HPS1: variants seen among roughly 807,000 people sequenced by gnomAD.
The protein encoded by HPS1 is HPS1 biogenesis of lysosomal organelles complex 3 subunit 1.
Under a neutral mutation model 90.6 loss-of-function variants are expected in HPS1, and 59 were observed. That is an observed-to-expected ratio of 0.65 (90% CI 0.53 to 0.81). The LOEUF (loss-of-function observed/expected upper bound fraction) is 0.81, where lower values mean the gene tolerates loss of function less well. Ranked by LOEUF, HPS1 falls within the 30% of genes least tolerant of loss-of-function variation. The probability of loss-of-function intolerance (pLI) is 0.00; values close to 1 mark genes in which losing one functional copy is unlikely to be tolerated. For synonymous variants in HPS1, 388 were observed against 384.4 expected (o/e 1.01, Z -0.11); for missense variants, 849 against 896.7 (o/e 0.95, Z 0.68).
Position 98,434,077 on chromosome 10 carries a change from T to A in HPS1, c.413A>T (p.Asp138Val). The A allele has an allele frequency of 6.5e-7, 1 of 1,550,184 alleles. No homozygotes were observed. Among genetic ancestry groups the A allele is most frequent in the Non-Finnish European group, 8.7e-7 (1 of 1,147,090 alleles). The change falls in exon 6 of 20, where the codon GAC (aspartate) becomes GTC (valine). Residue 138 changes from aspartate to valine, a missense_variant. Physicochemically the swap from Asp to Val is radical, Grantham distance 152. Transcript: ENST00000361490. The stretch of plus-strand genomic sequence containing the variant: ...CCACAGCTGGACACGCTGCGCCAGG[T>A]CTGGGGGCCGCAGCCTGGGGGCAGA... ...HLIRKELRPP[D>V]LAQRVQLWEH...
At position 98,418,217 on chromosome 10, in the gene HPS1, T is replaced by C. The variant is rs1340968104; in HGVS notation, c.1898A>G (p.Asp633Gly). The C allele has an allele frequency of 6.2e-7, 1 of 1,610,734 alleles. No individual in the cohort carries two copies. Among genetic ancestry groups the C allele is most frequent in the Admixed American group, 1.7e-5 (1 of 59,740 alleles). Residue 633 changes from aspartate (D) to glycine (G), a missense_variant, in exon 19 of 20, where the codon GAC becomes GGC. By Grantham distance (94) the Asp-to-Gly change is moderately conservative. Transcript: ENST00000361490. ...CAGCATGCCGATAGGCACTGAGTCG[T>C]CGGAGAGGACGGGCACCTCGATCAT... ...LQMIEVPVLS[D>G]DSVPIGMLGG...
chr10:98,422,378 G>C lies in HPS1; in HGVS notation c.1734C>G (p.Val578=), dbSNP rs2136122731. ...GGGTCCAAATGGTTACCTTAGTTTT[G>C]ACAAAGGCAGCCAGCGGCCCCTTGC... The part of the protein sequence containing the change: ...ELGKGPLAAF[V]KTKVWSLIQL... Residue 578 remains valine, a synonymous_variant, in exon 17 of 20, where the codon GTC becomes GTG. Coordinates refer to ENST00000361490, the MANE Select transcript of HPS1 (RefSeq NM_000195.5). 3 of 1,446,692 alleles carry C rather than the reference G, an allele frequency of 2.1e-6. No individual in the cohort carries two copies. The highest frequency in any genetic ancestry group is 1.1e-5 in the South Asian group (1 of 88,390). 89.6% of individuals were successfully genotyped at this position (1,446,692 alleles called of 1,614,324 possible). A position where few individuals can be genotyped will look rare whatever the true frequency, so the allele number is the denominator to read the frequency against.
intron 3 of HPS1, among the ~76,000 whole-genome samples, chr10:98,442,155 G>A (rs1938549156): frequency 6.6e-6 from 1 of 152,182 alleles, no homozygotes; most frequent in African/African-American, 2.4e-5. Flanking sequence ...AGGAATGAAC[G>A]ATTGATACAT....
Position 98,435,351 on chromosome 10 carries a change from G to A in HPS1, c.319C>T (p.Arg107Trp), listed in dbSNP as rs1217977527. The change falls in exon 5 of 20, where the codon CGG becomes TGG. Residue 107 changes from arginine (R) to tryptophan (W), a missense_variant. Coordinates refer to ENST00000361490, the MANE Select transcript of HPS1 (RefSeq NM_000195.5). The surrounding 1 kb of genome is among the most constrained non-coding windows in gnomAD (Gnocchi z 4.3). Reference sequence around the variant, plus strand: ...AGGTACTTGAGCACATACAGCTTCCGCCGCAGGTCCCCCTCGCTCTCGGTG... The same window carrying A: ...AGGTACTTGAGCACATACAGCTTCCACCGCAGGTCCCCCTCGCTCTCGGTG... ...DHTESEGDLR[R>W]KLYVLKYLFE... 25 of 1,613,748 alleles carry A rather than the reference G, an allele frequency of 1.5e-5. No homozygotes were observed. Among genetic ancestry groups the A allele is most frequent in the Non-Finnish European group, 2.0e-5 (24 of 1,179,994 alleles).
In HPS1 at chr10:98,445,078, T is replaced by G. The variant is rs74532915; in HGVS notation, c.-1+222A>C. ...TGGGGGCTGGGAGGAGCTTTAAAGA[T>G]GCAGCAGGCTGTGATGACCTGCCTG... On this transcript the variant is annotated intron_variant, in intron 2 of 19. Coordinates refer to ENST00000361490, the MANE Select transcript of HPS1 (RefSeq NM_000195.5). This position sits in a 1 kb window ranked among gnomAD's most constrained non-coding sequence, Gnocchi z 4.5. Among the ~76,000 whole-genome samples, 16 of 152,092 alleles carry G rather than the reference T, an allele frequency of 1.1e-4. No homozygotes were observed. The East Asian group carries it at 3.1e-3, about 29-fold the overall frequency.
chr10:98,435,508 C>G lies in HPS1; in HGVS notation c.256-94G>C. ...AGACAAGCCAGGGGAGGCTCGGGTC[C>G]CAGGCGGGTTTGATAAGATGCCGTT... On this transcript the variant is annotated intron_variant, in intron 4 of 19. Coordinates refer to ENST00000361490, the MANE Select transcript of HPS1 (RefSeq NM_000195.5). The surrounding 1 kb of genome is among the most constrained non-coding windows in gnomAD (Gnocchi z 4.3). 6.2e-7 allele frequency: 1 copy of G among 1,610,660 alleles called. No individual in the cohort carries two copies.
At chr10:98,414,475 C>T (rs1294277329), downstream of HPS1, among the ~76,000 whole-genome samples, 1 of 152,186 alleles carries the variant, frequency 6.6e-6, no homozygotes, top group Non-Finnish European at 1.5e-5. Flanking sequence ...CCTCTGCAGA[C>T]ACGCAGTAGG....
At chr10:98,442,806 C>G (rs1938682961) in intron 3 of HPS1, 3 of 383,500 alleles carry the variant, frequency 7.8e-6, no homozygotes, top group South Asian at 6.8e-5. Context: ...CCGCGCCCAG[C>G]CTTGTTAAAC....
At position 98,426,745 on chromosome 10, in the gene HPS1, A is replaced by AGTGTGT. The variant is rs58431822; in HGVS notation, c.987+464_987+469dup. On this transcript the variant is annotated intron_variant, in intron 11 of 19. Coordinates refer to ENST00000361490, the MANE Select transcript of HPS1 (RefSeq NM_000195.5). ...TAAAAATACACATGTGTACATATGT[A>AGTGTGT]GTGTGTGTGTGTGTGTGTGTGTGTG... Among the ~76,000 whole-genome samples the AGTGTGT allele has an allele frequency of 6.0e-3, 881 of 147,912 alleles. 4 individuals are homozygous for AGTGTGT. Among genetic ancestry groups the AGTGTGT allele is most frequent in the African/African-American group, 0.013 (533 of 40,246 alleles).
At chr10:98,441,007 T>C (rs755956814) in intron 3 of HPS1, among the ~76,000 whole-genome samples, 1 of 152,254 alleles carries the variant, frequency 6.6e-6, no homozygotes, top group Non-Finnish European at 1.5e-5. Flanking sequence ...CTCTGATATC[T>C]TGTGTTTGCC....
rs1480875278 is a variant in HPS1 at position 98,435,535 on chromosome 10, C to A, written c.255+100G>T. On this transcript the variant is annotated intron_variant, in intron 4 of 19. Coordinates refer to ENST00000361490, the MANE Select transcript of HPS1 (RefSeq NM_000195.5). This position sits in a 1 kb window ranked among gnomAD's most constrained non-coding sequence, Gnocchi z 4.3. ...AGGCGGGTTTGATAAGATGCCGTTT[C>A]TGCCTTCTAAAGGAGTCTAAAGTTC... 1.9e-6 allele frequency: 3 copies of A among 1,607,468 alleles called. No homozygotes were observed. The highest frequency in any genetic ancestry group is 3.3e-5 in the Admixed American group (2 of 59,970).
At chr10:98,438,766 T>C (rs1206523388) in intron 3 of HPS1, among the ~76,000 whole-genome samples, 1 of 152,218 alleles carries the variant, frequency 6.6e-6, no homozygotes, top group East Asian at 1.9e-4. Flanking sequence ...TTTGCATAAA[T>C]AATGAAGAGC....
In HPS1 at chr10:98,422,445, G is replaced by A. The variant is rs200239872; in HGVS notation, c.1667C>T (p.Ala556Val). The part of the protein sequence containing the change: ...YVDRTTGQMV[A>V]PSLNCSQKTS... ...CTTTTGACTGCAGTTGAGGGAAGGC[G>A]CCACCATCTGCCCAGTGGTGCGGTC... Residue 556 changes from alanine (A) to valine (V), a missense_variant, in exon 17 of 20, where the codon GCG (alanine) becomes GTG (valine). Physicochemically the swap from Ala to Val is moderately conservative, Grantham distance 64. Coordinates refer to ENST00000361490, the MANE Select transcript of HPS1 (RefSeq NM_000195.5). The A allele has an allele frequency of 8.7e-6, 14 of 1,613,998 alleles. No homozygotes were observed. The highest frequency in any genetic ancestry group is 5.0e-5 in the Admixed American group (3 of 60,030).
At chr10:98,421,022 C>T (rs925390878) in intron 17 of HPS1, among the ~76,000 whole-genome samples, 1 of 152,224 alleles carries the variant, frequency 6.6e-6, no homozygotes, top group African/African-American at 2.4e-5. Flanking sequence ...TCCTGCCTGA[C>T]GCAGGGACTG....
At position 98,438,799 on chromosome 10, in the gene HPS1, TG is replaced by T. The variant is rs536737013; in HGVS notation, c.118-3028del. On this transcript the variant is annotated intron_variant, in intron 3 of 19. Coordinates refer to ENST00000361490, the MANE Select transcript of HPS1 (RefSeq NM_000195.5). ...AGCCAAACGTTAATCACCAAGACAA[TG>T]GGAAAAATGTCTCCAGGGCCTGTCA... is the stretch of plus-strand genomic sequence containing the variant. Among the ~76,000 whole-genome samples, 156 of 151,834 alleles carry T rather than the reference TG, an allele frequency of 1.0e-3. 1 individual carries two copies. The highest frequency in any genetic ancestry group is 3.6e-3 in the African/African-American group (148 of 41,390).
chr10:98,426,023 C>T, intron 11 of HPS1, 38 bp from the exon 12 acceptor site: 2 of 1,594,790 alleles, frequency 1.3e-6, no homozygotes, highest in Non-Finnish European at 1.7e-6. Flanking sequence ...AGGTGGGATC[C>T]CTAAGTTGGA....
intron 6 of HPS1, 109 bp from the exon 7 acceptor site, chr10:98,431,400 G>T: frequency 1.7e-6 from 2 of 1,184,980 alleles, no homozygotes; most frequent in Non-Finnish European, 2.4e-6. Context: ...CTTGGACTCT[G>T]CACCAGATAC....
Position 98,423,490 on chromosome 10 carries a change from G to A in HPS1, c.1598+113C>T, listed in dbSNP as rs151334100. The A allele has an allele frequency of 1.1e-4, 105 of 961,476 alleles. No individual in the cohort carries two copies. The African/African-American group carries it at 1.6e-3, about 14-fold the overall frequency. The allele number at this position is 961,476 out of a possible 1,614,324, so 59.6% of individuals were successfully genotyped here. On this transcript the variant is annotated intron_variant, in intron 16 of 19. Transcript: ENST00000361490. ...CAGAGAGGTGGTGAGCAGCTGATGG[G>A]GTGGAACATATATCCCCCTTCCCTG...
At chr10:98,420,310 G>A (rs567977277) in intron 17 of HPS1, 152 bp from the exon 18 acceptor site, 2 of 687,328 alleles carry the variant, frequency 2.9e-6, no homozygotes, top group South Asian at 1.5e-5. Flanking sequence ...CTCAGAGCAG[G>A]AGGCTCAACA....
Sources: gnomAD v4.1 joint callset for allele counts (sites outside exome capture counted in the v4.1 genomes callset) on GRCh38, gnomAD v4.1.1 for gene constraint, Gnocchi (gnomAD v3.1) non-coding constraint, MANE v1.5 for transcripts, NCBI Gene and HGNC (gene_info 2026-07-23, HGNC 2026-07-21) for gene names.